The following ZFHX3 variants were observed in gnomAD, a reference collection of about 807,000 sequenced individuals.
ZFHX3 encodes zinc finger homeobox protein 3.
In ZFHX3, 42 loss-of-function variants were observed where a neutral mutation model predicts 279.1. The ratio of observed to expected loss-of-function variants is 0.15; its 90% CI spans 0.12 to 0.19. ZFHX3 has a LOEUF of 0.19. Among genes scored for constraint, ZFHX3 ranks in the 10% least tolerant of loss-of-function variants. ZFHX3 has a pLI of 1.00. For missense variants in ZFHX3, 4,981 were observed against 4,754.0 expected (o/e 1.05, Z -1.40); for synonymous variants, 2,293 against 1,957.8 (o/e 1.17, Z -4.52).
Position 72,794,484 on chromosome 16 carries a change from C to T in ZFHX3, c.8198G>A (p.Arg2733His), listed in dbSNP as rs1277890729. The T allele has an allele frequency of 3.7e-6, 6 of 1,614,172 alleles. No homozygotes were observed. Among genetic ancestry groups the T allele is most frequent in the South Asian group, 1.1e-5 (1 of 91,084 alleles). Residue 2733 changes from arginine to histidine, a missense_variant, in exon 9 of 10, where the codon CGT becomes CAT. Physicochemically the swap from Arg to His is conservative, Grantham distance 29. Transcript: ENST00000268489. The surrounding 1 kb of genome is among the most constrained non-coding windows in gnomAD (Gnocchi z 4.2). ...KTALEAHIRS[R>H]HWHEAKRAGY... ...AGCTCTCTTGGCTTCATGCCAGTGA[C>T]GGGACCGGATATGAGCCTCAAGAGC...
At chr16:73,637,696 T>C (rs567616008) in intron 2 of ZFHX3, among the ~76,000 whole-genome samples, 43 of 152,220 alleles carry the variant, frequency 2.8e-4, no homozygotes, top group Admixed American at 1.4e-3. Flanking sequence ...AAGAGATTTA[T>C]AGATTAGCCT....
chr16:73,232,621 G>A (rs1041155346), intron 5 of ZFHX3: 1 of 152,196 alleles, frequency 6.6e-6, no homozygotes, highest in African/African-American at 2.4e-5. Flanking sequence ...TTACGTGCAG[G>A]ACGCAATGGA....
At chr16:73,460,358 C>A (rs117924027) in intron 2 of ZFHX3, among the ~76,000 whole-genome samples, 1 of 152,104 alleles carries the variant, frequency 6.6e-6, no homozygotes, top group Non-Finnish European at 1.5e-5. Flanking sequence ...GTTTGCTTAA[C>A]CATCTACCTA....
At chr16:73,830,851 A>C (rs1960977603) in intron 1 of ZFHX3, among the ~76,000 whole-genome samples, 1 of 152,204 alleles carries the variant, frequency 6.6e-6, no homozygotes, top group Non-Finnish European at 1.5e-5. Context: ...TCAATATGCA[A>C]ATGAACAGAA....
At position 73,334,233 on chromosome 16, in the gene ZFHX3, G is replaced by A. The variant is rs141872152; in HGVS notation, c.-1290-15897C>T. ...TCACCAGCTTCATCGCTGCCTCTCT[G>A]CTGAGAATAAGCCACACGGGCTGAG... On this transcript the variant is annotated intron_variant, in intron 3 of 17. Transcript: ENST00000641206. Among the ~76,000 whole-genome samples, 590 of 152,218 alleles carry A rather than the reference G, an allele frequency of 3.9e-3. 2 individuals are homozygous for A. Among genetic ancestry groups the A allele is most frequent in the African/African-American group, 0.013 (557 of 41,532 alleles).
intron 2 of ZFHX3, among the ~76,000 whole-genome samples, chr16:73,478,404 T>C (rs78434049): frequency 0.016 from 2,372 of 152,282 alleles, 57 homozygotes; most frequent in African/African-American, 0.052. Flanking sequence ...TCCCTGCTAG[T>C]TTATTTTAAT....
At chr16:73,424,099 C>T (rs995688043) in intron 3 of ZFHX3, among the ~76,000 whole-genome samples, 19 of 152,144 alleles carry the variant, frequency 1.2e-4, no homozygotes, top group Non-Finnish European at 1.5e-5. Flanking sequence ...CCTACCACTA[C>T]ATTTGTTGTT....
intron 3 of ZFHX3, among the ~76,000 whole-genome samples, chr16:73,442,529 T>C (rs968811322): frequency 2.0e-5 from 3 of 152,102 alleles, no homozygotes; most frequent in African/African-American, 7.2e-5. Flanking sequence ...TAGTTAACCA[T>C]GTAAGTGAAA....
In ZFHX3 at chr16:72,950,639, C is replaced by T; in HGVS notation, c.3046G>A (p.Ala1016Thr). 2 of 1,614,196 alleles carry T rather than the reference C, an allele frequency of 1.2e-6. No homozygotes were observed. The highest frequency in any genetic ancestry group is 2.2e-5 in the East Asian group (1 of 44,882). ...GCCTTGCCGCCCTCCTTGATGTGGG[C>T]CACCAGCTGGTACTTCTGCACGTGC... ...DKHVQKYQLV[A>T]HIKEGGKANE... The change falls in exon 3 of 10, where the codon GCC (alanine) becomes ACC (threonine). Residue 1016 changes from alanine to threonine, a missense_variant. Transcript: ENST00000268489.
intron 4 of ZFHX3, among the ~76,000 whole-genome samples, chr16:73,303,055 A>G (rs1264088734): frequency 6.6e-6 from 1 of 151,104 alleles, no homozygotes; most frequent in Non-Finnish European, 1.5e-5. Context: ...TTGAGACAGG[A>G]TCTTGCTCTG....
chr16:73,390,812 CT>C (rs1235757229), intron 3 of ZFHX3, among the ~76,000 whole-genome samples: 1 of 152,008 alleles, frequency 6.6e-6, no homozygotes, highest in Non-Finnish European at 1.5e-5. Flanking sequence ...ACTTCTCCCC[CT>C]GGTGTACCAT....
chr16:73,694,405 G>A (rs866695703), intron 1 of ZFHX3, among the ~76,000 whole-genome samples: 1 of 152,152 alleles, frequency 6.6e-6, no homozygotes, highest in Middle Eastern at 3.4e-3. Flanking sequence ...GTTCAGTGGT[G>A]CGATATCGGC....
chr16:72,951,188 G>A (rs1031768964), intron 2 of ZFHX3, among the ~76,000 whole-genome samples: 4 of 152,210 alleles, frequency 2.6e-5, no homozygotes, highest in Non-Finnish European at 5.9e-5. Context: ...ATTTCTGGCA[G>A]GTTTTGTATT....
chr16:73,474,616 C>T (rs1342595420), intron 2 of ZFHX3, among the ~76,000 whole-genome samples: 1 of 152,176 alleles, frequency 6.6e-6, no homozygotes, highest in Non-Finnish European at 1.5e-5. Flanking sequence ...CATCAGCCCC[C>T]TGAGTTTTCT....
At chr16:73,271,605 G>A (rs8060243) in intron 4 of ZFHX3, among the ~76,000 whole-genome samples, 25,817 of 152,212 alleles carry the variant, frequency 0.17, 2,409 homozygotes, top group African/African-American at 0.24. Context: ...TTCTTCACCT[G>A]TAAAATGGGG....
At chr16:72,853,516 C>T (rs189552438) in intron 4 of ZFHX3, among the ~76,000 whole-genome samples, 4 of 152,226 alleles carry the variant, frequency 2.6e-5, no homozygotes, top group Non-Finnish European at 5.9e-5. Flanking sequence ...AACTGGAGAT[C>T]GATGCTGCAT....
At chr16:73,371,842 G>A (rs1022605354) in intron 3 of ZFHX3, among the ~76,000 whole-genome samples, 4 of 152,150 alleles carry the variant, frequency 2.6e-5, no homozygotes, top group East Asian at 1.9e-4. Context: ...CTTGCTGATC[G>A]CAATGCCCTT....
intron 7 of ZFHX3, among the ~76,000 whole-genome samples, chr16:72,809,046 ACT>A (rs746241373): frequency 4.6e-5 from 7 of 152,082 alleles, no homozygotes; most frequent in African/African-American, 1.2e-4. Flanking sequence ...GCCCTTGAAG[ACT>A]CTGTTGGTAA....
At chr16:72,888,833 G>A (rs188690922) in intron 4 of ZFHX3, among the ~76,000 whole-genome samples, 344 of 152,310 alleles carry the variant, frequency 2.3e-3, no homozygotes, top group African/African-American at 7.6e-3. Context: ...TGGAATAGAG[G>A]TGAGCAGTTC....
Sources: gnomAD v4.1 joint callset for allele counts (sites outside exome capture counted in the v4.1 genomes callset) on GRCh38, gnomAD v4.1.1 for gene constraint, Gnocchi (gnomAD v3.1) non-coding constraint, MANE v1.5 for transcripts, NCBI Gene and HGNC (gene_info 2026-07-23, HGNC 2026-07-21) for gene names.